CACNA2D3: variants seen among roughly 807,000 people sequenced by gnomAD.
CACNA2D3 encodes calcium voltage-gated channel auxiliary subunit alpha2delta 3.
A neutral mutation model predicts 160.6 loss-of-function variants in CACNA2D3; 60 were observed. The observed-to-expected ratio is 0.37, with a 90% CI of 0.30 to 0.46. CACNA2D3 has a LOEUF of 0.46. Ranked by LOEUF, CACNA2D3 falls within the 20% of genes least tolerant of loss-of-function variation. CACNA2D3 has a pLI of 1.00. For synonymous variants in CACNA2D3, 558 were observed against 492.9 expected (o/e 1.13, Z -1.75); for missense variants, 1,205 against 1,365.0 (o/e 0.88, Z 1.85).
At chr3:54,507,514 G>A (rs1701390153) in intron 5 of CACNA2D3, among the ~76,000 whole-genome samples, 1 of 152,142 alleles carries the variant, frequency 6.6e-6, no homozygotes, top group African/African-American at 2.4e-5. Flanking sequence ...GTTTTTCCCA[G>A]ATGTTGGTTG....
intron 3 of CACNA2D3, among the ~76,000 whole-genome samples, chr3:54,329,387 A>G (rs780252715): frequency 5.9e-5 from 9 of 152,140 alleles, no homozygotes; most frequent in Non-Finnish European, 1.2e-4. Context: ...TATGGATGGT[A>G]TGGGCTACAC....
At chr3:54,626,705 A>G (rs1699121619) in intron 9 of CACNA2D3, 7 of 716,620 alleles carry the variant, frequency 9.8e-6, no homozygotes, top group South Asian at 1.7e-5. Context: ...AAAAAAAAAA[A>G]AAAAGAAAGA....
At chr3:54,850,725 G>C (rs1699040004) in intron 17 of CACNA2D3, among the ~76,000 whole-genome samples, 3 of 152,226 alleles carry the variant, frequency 2.0e-5, no homozygotes, top group Admixed American at 2.0e-4. Flanking sequence ...CCACAGAGGA[G>C]CCTCAGGCAG....
At chr3:54,197,247 A>C (rs1417343745) in intron 2 of CACNA2D3, 8 of 152,136 alleles carry the variant, frequency 5.3e-5, no homozygotes, top group Non-Finnish European at 8.8e-5. Context: ...TCAAGCAGAA[A>C]AGCAGAACTA....
intron 2 of CACNA2D3, among the ~76,000 whole-genome samples, chr3:54,169,072 T>A (rs1187304896): frequency 2.6e-5 from 4 of 152,232 alleles, no homozygotes; most frequent in Non-Finnish European, 1.5e-5. Flanking sequence ...AGGGAAATGT[T>A]GCTTATCCTG....
At chr3:54,894,116 C>A (rs1175621063) in intron 25 of CACNA2D3, among the ~76,000 whole-genome samples, 1 of 152,168 alleles carries the variant, frequency 6.6e-6, no homozygotes, top group Non-Finnish European at 1.5e-5. Flanking sequence ...CAGTTCTTCC[C>A]AGAATCTAGA....
intron 9 of CACNA2D3, among the ~76,000 whole-genome samples, chr3:54,606,923 G>A (rs994151973): frequency 2.6e-5 from 4 of 152,210 alleles, no homozygotes; most frequent in South Asian, 2.1e-4. Context: ...GCAGATATTC[G>A]CTTCATGCTT....
intron 8 of CACNA2D3, among the ~76,000 whole-genome samples, chr3:54,573,472 A>G (rs1019785549): frequency 2.3e-4 from 35 of 152,378 alleles, no homozygotes; most frequent in African/African-American, 7.7e-4. Context: ...TCTTTTCGCA[A>G]AAATGGATTC....
At chr3:54,849,261 A>T (rs566311992) in intron 17 of CACNA2D3, among the ~76,000 whole-genome samples, 1 of 152,168 alleles carries the variant, frequency 6.6e-6, no homozygotes, top group African/African-American at 2.4e-5. Context: ...TAAGAATAAT[A>T]CTAGCAGCCA....
chr3:54,229,586 C>T (rs573972338), intron 2 of CACNA2D3, among the ~76,000 whole-genome samples: 4 of 152,258 alleles, frequency 2.6e-5, no homozygotes, highest in African/African-American at 9.6e-5. Flanking sequence ...CCTCTCACCT[C>T]GGCCTCCGAA....
At chr3:54,403,372 C>T (rs1249907745) in intron 4 of CACNA2D3, among the ~76,000 whole-genome samples, 1 of 150,870 alleles carries the variant, frequency 6.6e-6, no homozygotes, top group East Asian at 2.0e-4. Context: ...CACACACACA[C>T]ACACACACAC....
rs542810213 is a variant in CACNA2D3 at position 54,122,652 on chromosome 3, C to T, written c.-62C>T. 7,255 of 993,628 alleles carry T rather than the reference C, an allele frequency of 7.3e-3. 23 individuals are homozygous for T. Among genetic ancestry groups the T allele is most frequent in the Non-Finnish European group, 8.1e-3 (6,809 of 836,364 alleles). The allele number at this position is 993,628 out of a possible 1,614,324, so 61.6% of individuals were successfully genotyped here. A position where few individuals can be genotyped will look rare whatever the true frequency, so the allele number is the denominator to read the frequency against. ...CCGCGCGCTCGCCCACCGCCCGCTCCGCGCAGCTCCCCGCGGCCGCTCTCG... is the reference window on the plus strand; with the variant it reads ...CCGCGCGCTCGCCCACCGCCCGCTCTGCGCAGCTCCCCGCGGCCGCTCTCG... On this transcript the variant is annotated 5_prime_UTR_variant, in exon 1 of 38. Coordinates refer to ENST00000474759, the MANE Select transcript of CACNA2D3 (RefSeq NM_018398.3).
At chr3:54,956,982 C>G (rs1701913909) in intron 27 of CACNA2D3, among the ~76,000 whole-genome samples, 1 of 151,940 alleles carries the variant, frequency 6.6e-6, no homozygotes, top group African/African-American at 2.4e-5. Context: ...CTTCTATGAC[C>G]CTTGCTCTTC....
At position 54,946,046 on chromosome 3, in the gene CACNA2D3, C is replaced by T. The variant is rs553386598; in HGVS notation, c.2450-22404C>T. 1.8e-3 allele frequency among the ~76,000 whole-genome samples: 273 copies of T among 152,322 alleles called. 1 individual carries two copies. Among genetic ancestry groups the T allele is most frequent in the African/African-American group, 6.3e-3 (260 of 41,582 alleles). On this transcript the variant is annotated intron_variant, in intron 27 of 37. Transcript: ENST00000474759. Reference sequence around the variant, plus strand: ...GTACCCTGCCTCATTATCACATTTCCTTGGTTCTAAGATGCCATAAATAGA... The same window carrying T: ...GTACCCTGCCTCATTATCACATTTCTTTGGTTCTAAGATGCCATAAATAGA...
chr3:54,212,611 A>G (rs1701395711), intron 2 of CACNA2D3, among the ~76,000 whole-genome samples: 1 of 152,244 alleles, frequency 6.6e-6, no homozygotes, highest in East Asian at 1.9e-4. Context: ...CTGAATTCCA[A>G]AAGGGAGGAG....
At chr3:54,973,353 A>T (rs1183707956) in intron 29 of CACNA2D3, among the ~76,000 whole-genome samples, 2 of 152,092 alleles carry the variant, frequency 1.3e-5, no homozygotes, top group Non-Finnish European at 2.9e-5. Context: ...AACACTTCTC[A>T]TCTCCTGATG....
chr3:54,734,116 C>G (rs1701448491), intron 11 of CACNA2D3, among the ~76,000 whole-genome samples: 2 of 151,876 alleles, frequency 1.3e-5, no homozygotes, highest in African/African-American at 4.9e-5. Flanking sequence ...TCTGGCGAAA[C>G]TGCTCCCTGG....
At chr3:54,368,228 G>A (rs572256220) in intron 3 of CACNA2D3, among the ~76,000 whole-genome samples, 2 of 152,258 alleles carry the variant, frequency 1.3e-5, no homozygotes, top group East Asian at 3.9e-4. Flanking sequence ...TCAGCACTTT[G>A]GAAGGCCGAG....
intron 27 of CACNA2D3, among the ~76,000 whole-genome samples, chr3:54,950,116 A>T (rs1701719683): frequency 6.6e-6 from 1 of 152,226 alleles, no homozygotes; most frequent in Non-Finnish European, 1.5e-5. Context: ...TTTCAAGTGC[A>T]GCTGGAAAAT....
Sources: allele counts gnomAD v4.1 joint callset (sites outside exome capture counted in the v4.1 genomes callset), GRCh38; gene constraint gnomAD v4.1.1; transcripts MANE v1.5; gene names NCBI Gene and HGNC (gene_info 2026-07-23, HGNC 2026-07-21).